DLG2: variants seen among roughly 807,000 people sequenced by gnomAD.
DLG2 encodes the protein disks large homolog 2.
Under a neutral mutation model 132.5 loss-of-function variants are expected in DLG2, and 45 were observed. That is an observed-to-expected ratio of 0.34 (90% CI 0.27 to 0.44). The LOEUF (loss-of-function observed/expected upper bound fraction) is 0.44. Among genes scored for constraint, DLG2 ranks in the 20% least tolerant of loss-of-function variants. DLG2 has a pLI of 1.00. For synonymous variants in DLG2, 424 were observed against 419.6 expected, an observed-to-expected ratio of 1.01 and a Z score of -0.13; for missense variants, 1,045 against 1,196.9, an observed-to-expected ratio of 0.87 and a Z score of 1.87.
At chr11:85,276,676 T>A (rs2077911370) in intron 4 of DLG2, among the ~76,000 whole-genome samples, 1 of 152,126 alleles carries the variant, frequency 6.6e-6, no homozygotes, top group South Asian at 2.1e-4. Context: ...TTTCACTGGG[T>A]CAACCAGGAA....
intron 2 of DLG2, among the ~76,000 whole-genome samples, chr11:85,620,664 C>A (rs964930504): frequency 2.0e-5 from 3 of 152,324 alleles, no homozygotes; most frequent in Non-Finnish European, 4.4e-5. Context: ...AGCTGTAATT[C>A]CCCTCAAACC....
intron 6 of DLG2, among the ~76,000 whole-genome samples, chr11:84,980,331 A>C (rs1307931861): frequency 2.6e-5 from 4 of 152,156 alleles, no homozygotes; most frequent in African/African-American, 9.7e-5. Flanking sequence ...TCCTGGTGGC[A>C]GTTCTCACCA....
chr11:85,295,792 A>T (rs931059955), intron 3 of DLG2, among the ~76,000 whole-genome samples: 4 of 152,176 alleles, frequency 2.6e-5, no homozygotes, highest in African/African-American at 9.6e-5. Flanking sequence ...GTTACCAAGG[A>T]TATTTTAACT....
At chr11:83,819,838 A>G (rs1267080963) in intron 17 of DLG2, among the ~76,000 whole-genome samples, 1 of 152,178 alleles carries the variant, frequency 6.6e-6, no homozygotes, top group African/African-American at 2.4e-5. Context: ...AACGTTGAAG[A>G]AGGAGTAACA....
At chr11:85,379,614 T>C (rs966987947) in intron 3 of DLG2, among the ~76,000 whole-genome samples, 2 of 152,170 alleles carry the variant, frequency 1.3e-5, no homozygotes, top group African/African-American at 4.8e-5. Context: ...AAATGAAACA[T>C]TAATGTTATA....
chr11:84,874,615 T>A (rs948175423), intron 6 of DLG2, among the ~76,000 whole-genome samples: 3 of 152,178 alleles, frequency 2.0e-5, no homozygotes, highest in Non-Finnish European at 2.9e-5. Context: ...ATGTGGAAGA[T>A]GGATTGGCAT....
At chr11:84,601,440 C>A (rs2099576355) in intron 6 of DLG2, among the ~76,000 whole-genome samples, 1 of 152,088 alleles carries the variant, frequency 6.6e-6, no homozygotes, top group Non-Finnish European at 1.5e-5. Context: ...TTTAATCCAA[C>A]AATCATTTCA....
At chr11:84,312,447 C>T (rs2098297348) in intron 7 of DLG2, among the ~76,000 whole-genome samples, 1 of 152,122 alleles carries the variant, frequency 6.6e-6, no homozygotes, top group Non-Finnish European at 1.5e-5. Context: ...CCATGGCATT[C>T]CAGGACCAGT....
intron 7 of DLG2, among the ~76,000 whole-genome samples, chr11:84,332,997 A>G (rs2098468019): frequency 6.6e-6 from 1 of 152,208 alleles, no homozygotes; most frequent in South Asian, 2.1e-4. Flanking sequence ...TGAGTGGATG[A>G]GTAGGAGCTT....
At chr11:85,092,920 C>T (rs146294942) in intron 6 of DLG2, among the ~76,000 whole-genome samples, 14 of 152,150 alleles carry the variant, frequency 9.2e-5, no homozygotes, top group Non-Finnish European at 1.0e-4. Context: ...GGATTACAGG[C>T]GTGCACCACT....
At chr11:83,977,610 T>C (rs1030178115) in intron 12 of DLG2, among the ~76,000 whole-genome samples, 10 of 152,170 alleles carry the variant, frequency 6.6e-5, no homozygotes, top group South Asian at 2.1e-4. Context: ...TACAAGACAG[T>C]CTAAGATCTA....
At chr11:84,742,276 C>T (rs565607964) in intron 6 of DLG2, among the ~76,000 whole-genome samples, 6 of 152,208 alleles carry the variant, frequency 3.9e-5, no homozygotes, top group East Asian at 1.9e-4. Context: ...GAGTCATAGA[C>T]ATTCAGATCC....
chr11:85,493,697 A>G (rs1597897600), intron 3 of DLG2, among the ~76,000 whole-genome samples: 3 of 113,092 alleles, frequency 2.7e-5, no homozygotes, highest in Admixed American at 1.1e-4. Flanking sequence ...AGGGGAGGAG[A>G]GGGGAGAGAA....
At chr11:84,569,058 C>T (rs1429083786) in intron 6 of DLG2, among the ~76,000 whole-genome samples, 1 of 152,090 alleles carries the variant, frequency 6.6e-6, no homozygotes, top group Non-Finnish European at 1.5e-5. Context: ...ATAGCAGTAC[C>T]CAGTCATCAG....
intron 6 of DLG2, among the ~76,000 whole-genome samples, chr11:85,089,074 A>C (rs536380288): frequency 2.6e-5 from 4 of 152,182 alleles, no homozygotes; most frequent in African/African-American, 9.6e-5. Flanking sequence ...TGAGGGTCCA[A>C]AGTCTCCCAG....
intron 21 of DLG2, among the ~76,000 whole-genome samples, chr11:83,512,727 C>T (rs2095099341): frequency 6.6e-6 from 1 of 152,056 alleles, no homozygotes; most frequent in African/African-American, 2.4e-5. Flanking sequence ...GTTCCCTTTC[C>T]TGTGTCCATG....
chr11:85,110,528 TTC>T (rs1490481600), intron 6 of DLG2, among the ~76,000 whole-genome samples: 1 of 152,128 alleles, frequency 6.6e-6, no homozygotes, highest in Non-Finnish European at 1.5e-5. Context: ...AACATTTTTA[TTC>T]TCTGAGTCTC....
chr11:85,018,502 T>C (rs2059756112), intron 6 of DLG2, among the ~76,000 whole-genome samples: 1 of 152,186 alleles, frequency 6.6e-6, no homozygotes, highest in South Asian at 2.1e-4. Context: ...TCTGTATCCC[T>C]ATCAAAGATT....
intron 7 of DLG2, among the ~76,000 whole-genome samples, chr11:84,479,990 T>C (rs2099132431): frequency 6.6e-6 from 1 of 152,148 alleles, no homozygotes; most frequent in African/African-American, 2.4e-5. Flanking sequence ...TACTAGTATC[T>C]TAGAACTTTA....
Sources: allele counts gnomAD v4.1 joint callset (sites outside exome capture counted in the v4.1 genomes callset), GRCh38; gene constraint gnomAD v4.1.1; transcripts MANE v1.5; gene names NCBI Gene and HGNC (gene_info 2026-07-23, HGNC 2026-07-21).